GAB4: variants seen among roughly 807,000 people sequenced by gnomAD.
GAB4 encodes the protein GRB2 associated binding protein family member 4, also known as GRB2-associated-binding protein 4.
GAB4 carries 26 observed loss-of-function variants against 51.3 expected under a neutral mutation model. That is an observed-to-expected ratio of 0.51 (90% confidence interval 0.37 to 0.70). GAB4 has a LOEUF of 0.70. GAB4 is among the 30% of genes least tolerant of loss of function. The pLI is 0.00. For missense variants in GAB4, 759 were observed against 734.6 expected (o/e 1.03, Z -0.38); for synonymous variants, 329 against 291.2 (o/e 1.13, Z -1.32).
In GAB4 at chr22:16,992,096, A is replaced by G. The variant is rs754753718; in HGVS notation, c.255T>C (p.Asp85=). The part of the protein sequence containing the change: ...DPDVLEYYKN[D]GSKKPLRTIN... Reference sequence around the variant, plus strand: ...TGGTGCGCAGGGGCTTCTTGGAGCCATCATTCTTGTAGTATTCCAGAACAT... The same window carrying G: ...TGGTGCGCAGGGGCTTCTTGGAGCCGTCATTCTTGTAGTATTCCAGAACAT... Residue 85 remains aspartate (D), a synonymous_variant, in exon 2 of 10, where the codon GAT becomes GAC. Coordinates refer to ENST00000400588, the MANE Select transcript of GAB4 (RefSeq NM_001037814.1). The G allele has an allele frequency of 6.2e-7, 1 of 1,614,236 alleles. No individual in the cohort carries two copies. The highest frequency in any genetic ancestry group is 8.5e-7 in the Non-Finnish European group (1 of 1,180,034).
chr22:16,992,388 T>C (rs560855724), intron 1 of GAB4, among the ~76,000 whole-genome samples: 1 of 152,292 alleles, frequency 6.6e-6, no homozygotes, highest in East Asian at 1.9e-4. Context: ...CACTACAAAA[T>C]AAGATGTGCA....
chr22:17,005,402 A>G (rs1455630060), intron 1 of GAB4, among the ~76,000 whole-genome samples: 3 of 152,250 alleles, frequency 2.0e-5, no homozygotes, highest in East Asian at 1.9e-4. Context: ...GGAAGAATCA[A>G]TATTGTGAAA....
chr22:16,991,849 A>G (rs2060916544), intron 2 of GAB4, 24 bp downstream of exon 2: 1 of 1,581,268 alleles, frequency 6.3e-7, no homozygotes, highest in African/African-American at 1.3e-5. Context: ...CCCTCCTGAG[A>G]CAGGGCTGTG....
In GAB4 at chr22:16,970,110, C is replaced by G. The variant is rs1223451577; in HGVS notation, c.770G>C (p.Gly257Ala). ...TAMQNLAQHS[G>A]YSVDGVSGHI... ...ACCGCTGACCCCATCAACACTGTAT[C>G]CACTGTGCTGGGCAAGATTTTGCAT... The change falls in exon 4 of 10, where the codon GGA (glycine) becomes GCA (alanine). Residue 257 changes from glycine to alanine, a missense_variant. Gly to Ala is a moderately conservative substitution (Grantham distance 60). This residue lies in a region of GAB4 where 588 missense variants were observed against 510.2 expected (regional missense o/e 1.15). Coordinates refer to ENST00000400588, the MANE Select transcript of GAB4 (RefSeq NM_001037814.1). 1 of 1,614,152 alleles carries G rather than the reference C, an allele frequency of 6.2e-7. No homozygotes were observed. The highest frequency in any genetic ancestry group is 2.2e-5 in the East Asian group (1 of 44,886).
intron 1 of GAB4, among the ~76,000 whole-genome samples, chr22:16,999,483 G>A (rs1601289439): frequency 6.6e-6 from 1 of 152,138 alleles, no homozygotes; most frequent in African/African-American, 2.4e-5. Context: ...GATTGGTGGT[G>A]ATATCCCCTT....
At position 17,002,502 on chromosome 22, in the gene GAB4, G is replaced by T. The variant is rs117840637; in HGVS notation, c.174+5439C>A. Reference sequence around the variant, plus strand: ...CTGCAAAAACATACCAAAATGTAAAGACCACCGACAGGATGAAGATACTGC... The same window carrying T: ...CTGCAAAAACATACCAAAATGTAAATACCACCGACAGGATGAAGATACTGC... On this transcript the variant is annotated intron_variant, in intron 1 of 9. Coordinates refer to ENST00000400588, the MANE Select transcript of GAB4 (RefSeq NM_001037814.1). Among the ~76,000 whole-genome samples the T allele has an allele frequency of 5.6e-3, 845 of 152,028 alleles. 5 individuals carry two copies. The highest frequency in any genetic ancestry group is 0.02 in the Middle Eastern group (6 of 294).
At chr22:16,963,169 G>A (rs959344368) in intron 9 of GAB4, among the ~76,000 whole-genome samples, 7 of 152,166 alleles carry the variant, frequency 4.6e-5, no homozygotes, top group African/African-American at 1.7e-4. Flanking sequence ...ACTCATCCAT[G>A]GCAGGAAATT....
chr22:16,968,261 G>A (rs768598650), intron 5 of GAB4, 37 bp downstream of exon 5: 5 of 1,433,490 alleles, frequency 3.5e-6, no homozygotes, highest in South Asian at 2.3e-5. Context: ...TTACCTCCCT[G>A]AGCCAGTCTG....
chr22:16,962,948 G>A (rs556105573), intron 9 of GAB4, 72 bp from the exon 10 acceptor site: 592 of 1,458,392 alleles, frequency 4.1e-4, no homozygotes, highest in South Asian at 9.7e-4. Context: ...AGGCCAAGGA[G>A]TGGGCTCTCT....
At chr22:16,985,763 T>G (rs1569102954) in intron 3 of GAB4, among the ~76,000 whole-genome samples, 1 of 152,224 alleles carries the variant, frequency 6.6e-6, no homozygotes. Context: ...TTCCTAAGCT[T>G]TAGACAGTTC....
intron 1 of GAB4, among the ~76,000 whole-genome samples, chr22:17,007,367 C>T (rs2061048773): frequency 6.6e-6 from 1 of 152,148 alleles, no homozygotes; most frequent in Non-Finnish European, 1.5e-5. Flanking sequence ...CCTCAGCAGG[C>T]GTGGTGGCAT....
intron 3 of GAB4, 29 bp from the exon 4 acceptor site, chr22:16,970,222 G>C: frequency 6.2e-7 from 1 of 1,612,404 alleles, no homozygotes; most frequent in South Asian, 1.1e-5. Context: ...GGAAGGGGCA[G>C]GGGTGAGAGG....
intron 3 of GAB4, among the ~76,000 whole-genome samples, chr22:16,985,354 C>T (rs933561169): frequency 2.6e-5 from 4 of 152,148 alleles, no homozygotes; most frequent in South Asian, 2.1e-4. Flanking sequence ...TTTACTCATA[C>T]GGCTAGTAAT....
intron 1 of GAB4, among the ~76,000 whole-genome samples, chr22:17,006,602 A>G (rs910563483): frequency 6.6e-6 from 1 of 152,258 alleles, no homozygotes; most frequent in Non-Finnish European, 1.5e-5. Context: ...ACTTGGAACC[A>G]ACCCAAATGC....
intron 9 of GAB4, among the ~76,000 whole-genome samples, chr22:16,963,299 G>A (rs941402686): frequency 3.3e-5 from 5 of 152,186 alleles, no homozygotes; most frequent in African/African-American, 1.2e-4. Context: ...TAGACAGGCT[G>A]GCTACATGTG....
intron 3 of GAB4, among the ~76,000 whole-genome samples, chr22:16,982,350 T>G (rs1238203410): frequency 6.6e-6 from 1 of 152,150 alleles, no homozygotes; most frequent in African/African-American, 2.4e-5. Context: ...AAAATCAATA[T>G]GTAAAAATCA....
At chr22:16,976,875 TA>T (rs956766471) in intron 3 of GAB4, among the ~76,000 whole-genome samples, 110 of 152,310 alleles carry the variant, frequency 7.2e-4, no homozygotes, top group African/African-American at 2.6e-3. Context: ...TCAACATTCT[TA>T]AAGAAAAGAA....
rs2123628713 is a variant in GAB4, at chr22:16,962,169, C to CAT, written c.*562_*563dup. 6.5e-6 allele frequency: 1 copy of CAT among 153,074 alleles called. No homozygotes were observed. The highest frequency in any genetic ancestry group is 2.1e-4 in the South Asian group (1 of 4,852). 9.5% of individuals were successfully genotyped at this position (153,074 alleles called of 1,614,324 possible). A position where few individuals can be genotyped will look rare whatever the true frequency, so the allele number is the denominator to read the frequency against. ...GCCTCTCCCACCCGGGAGCAGCTGC[C>CAT]ATACTCTGGCCTCAGTCTGAAAGTG... On this transcript the variant is annotated 3_prime_UTR_variant, in exon 10 of 10. Coordinates refer to ENST00000400588, the MANE Select transcript of GAB4 (RefSeq NM_001037814.1).
intron 1 of GAB4, among the ~76,000 whole-genome samples, chr22:16,997,722 T>A (rs2060961170): frequency 6.6e-6 from 1 of 152,218 alleles, no homozygotes; most frequent in African/African-American, 2.4e-5. Flanking sequence ...CCCTTGCCCA[T>A]GCCTATGTCC....
Sources: allele counts gnomAD v4.1 joint callset (sites outside exome capture counted in the v4.1 genomes callset), GRCh38; gene constraint gnomAD v4.1.1; regional missense constraint gnomAD v4.1.1; transcripts MANE v1.5; gene names NCBI Gene and HGNC (gene_info 2026-07-23, HGNC 2026-07-21).